Variants in KDM4C observed in about 807,000 individuals in gnomAD.
KDM4C encodes lysine demethylase 4C, also known as lysine-specific demethylase 4C.
Under a neutral mutation model 129.3 loss-of-function variants are expected in KDM4C, and 81 were observed. The observed-to-expected ratio is 0.63, with a 90% CI of 0.52 to 0.75. The LOEUF is 0.75. Among genes scored for constraint, KDM4C ranks in the 30% least tolerant of loss-of-function variants. The probability of loss-of-function intolerance (pLI) is 0.00; values close to 1 mark genes in which losing one functional copy is unlikely to be tolerated. For synonymous variants in KDM4C, 573 were observed against 456.1 expected, an observed-to-expected ratio of 1.26 and a Z score of -3.26; for missense variants, 1,457 against 1,304.0, an observed-to-expected ratio of 1.12 and a Z score of -1.81.
At chr9:7,159,311 G>T (rs1427159851) in intron 19 of KDM4C, among the ~76,000 whole-genome samples, 3 of 152,052 alleles carry the variant, frequency 2.0e-5, no homozygotes, top group Admixed American at 6.5e-5. Flanking sequence ...TCTTTCAATT[G>T]GGGCATTTAG....
chr9:6,767,574 A>T (rs1345024959), intron 1 of KDM4C, among the ~76,000 whole-genome samples: 2 of 152,136 alleles, frequency 1.3e-5, no homozygotes, highest in Non-Finnish European at 2.9e-5. Flanking sequence ...AGCTGGGACT[A>T]CAGGCACCTG....
At chr9:6,721,959 C>G (rs554996561) in intron 1 of KDM4C, among the ~76,000 whole-genome samples, 1 of 152,112 alleles carries the variant, frequency 6.6e-6, no homozygotes, top group Admixed American at 6.6e-5. Flanking sequence ...TGGGTGCAAG[C>G]AATCCTCTTG....
intron 1 of KDM4C, among the ~76,000 whole-genome samples, chr9:6,734,288 GTTT>G (rs57329090): frequency 3.6e-5 from 4 of 110,292 alleles, no homozygotes; most frequent in East Asian, 5.1e-4. Context: ...CCCATGTTTG[GTTT>G]TTTTTTTTTT....
At chr9:7,077,058 T>C in intron 17 of KDM4C, 1 of 985,478 alleles carries the variant, frequency 1.0e-6, no homozygotes, top group Non-Finnish European at 1.2e-6. Flanking sequence ...GTATTTTGAG[T>C]TTAGGTGAAA....
intron 1 of KDM4C, among the ~76,000 whole-genome samples, chr9:6,752,640 C>G (rs918949101): frequency 6.7e-4 from 102 of 151,860 alleles, no homozygotes; most frequent in African/African-American, 2.3e-3. Flanking sequence ...AAACTCCTGA[C>G]CTCAGGAGAT....
chr9:7,068,686 C>CTCT (rs1832772513), intron 17 of KDM4C, among the ~76,000 whole-genome samples: 1 of 101,766 alleles, frequency 9.8e-6, no homozygotes, highest in Non-Finnish European at 1.9e-5. Context: ...GATGCCCTTT[C>CTCT]TTTTTTTTTT....
intron 1 of KDM4C, among the ~76,000 whole-genome samples, chr9:6,763,072 G>A (rs12001316): frequency 0.15 from 22,460 of 151,896 alleles, 1,962 homozygotes; most frequent in East Asian, 0.39. Context: ...GCGTGGTTAC[G>A]ATCTTCTAAA....
chr9:6,839,620 CAT>C (rs1262948652), intron 4 of KDM4C, among the ~76,000 whole-genome samples: 2 of 152,008 alleles, frequency 1.3e-5, no homozygotes, highest in East Asian at 1.9e-4. Context: ...AAAATTAAGA[CAT>C]GTGGCTGGGC....
chr9:7,155,918 C>G (rs187058100), intron 19 of KDM4C, among the ~76,000 whole-genome samples: 162 of 152,276 alleles, frequency 1.1e-3, no homozygotes, highest in Middle Eastern at 3.4e-3. Context: ...GTTCTAGATC[C>G]GTGAGCAATC....
intron 13 of KDM4C, among the ~76,000 whole-genome samples, chr9:7,012,475 G>GT (rs1019368197): frequency 3.8e-4 from 57 of 151,144 alleles, no homozygotes; most frequent in Non-Finnish European, 5.2e-4. Flanking sequence ...CTTAATCTCT[G>GT]TTTTTTTTTG....
At chr9:6,884,002 C>G (rs927294165) in intron 6 of KDM4C, among the ~76,000 whole-genome samples, 1 of 152,154 alleles carries the variant, frequency 6.6e-6, no homozygotes, top group African/African-American at 2.4e-5. Flanking sequence ...TGCTAATTAT[C>G]TTGAAATGGA....
intron 1 of KDM4C, among the ~76,000 whole-genome samples, chr9:6,760,209 C>G (rs1435438069): frequency 1.3e-5 from 2 of 151,730 alleles, no homozygotes; most frequent in Non-Finnish European, 1.5e-5. Context: ...AATACACTAT[C>G]TGGTCTTCTG....
chr9:6,867,841 C>T (rs1224532401), intron 5 of KDM4C, among the ~76,000 whole-genome samples: 7 of 152,136 alleles, frequency 4.6e-5, no homozygotes. Context: ...CTGCACTTCC[C>T]CACTGTCTTT....
chr9:7,026,160 G>A (rs925641651), intron 15 of KDM4C, among the ~76,000 whole-genome samples: 37 of 151,134 alleles, frequency 2.4e-4, no homozygotes, highest in African/African-American at 8.8e-4. Flanking sequence ...AGCCGAGATC[G>A]CACCGCTGTA....
upstream of KDM4C, among the ~76,000 whole-genome samples, chr9:6,756,301 A>G (rs1387486848): frequency 6.6e-6 from 1 of 152,262 alleles, no homozygotes; most frequent in Non-Finnish European, 1.5e-5. Flanking sequence ...TGTTCTAAGT[A>G]AGTGTTAGGT....
intron 1 of KDM4C, among the ~76,000 whole-genome samples, chr9:6,764,171 AT>A (rs1221242176): frequency 1.3e-5 from 2 of 152,232 alleles, no homozygotes; most frequent in Non-Finnish European, 2.9e-5. Flanking sequence ...TTACTCAGAG[AT>A]TTCTAGAGAA....
chr9:7,128,065 G>C lies in KDM4C; in HGVS notation c.2611-1G>C, dbSNP rs747882410. 1 of 1,500,262 alleles carries C rather than the reference G, an allele frequency of 6.7e-7. No individual in the cohort carries two copies. The highest frequency in any genetic ancestry group is 1.4e-5 in the African/African-American group (1 of 69,710). 92.9% of individuals were successfully genotyped at this position (1,500,262 alleles called of 1,614,324 possible). A position where few individuals can be genotyped will look rare whatever the true frequency, so the allele number is the denominator to read the frequency against. The stretch of plus-strand genomic sequence containing the variant: ...TTCCTTTTTTGTGTCCCTTCTTTTA[G>C]AAGTCCAAGGCTTGCGAGAAGGTCA... On this transcript the variant is annotated splice_acceptor_variant, in intron 18 of 21. Transcript: ENST00000381309. LOFTEE classifies it high-confidence loss of function.
At chr9:6,870,346 A>G (rs1842661057) in intron 5 of KDM4C, among the ~76,000 whole-genome samples, 1 of 152,016 alleles carries the variant, frequency 6.6e-6, no homozygotes, top group Non-Finnish European at 1.5e-5. Flanking sequence ...TGTTGGGGAA[A>G]CAGTGTTGGA....
chr9:6,763,293 T>G (rs370918403), intron 1 of KDM4C, among the ~76,000 whole-genome samples: 1 of 152,142 alleles, frequency 6.6e-6, no homozygotes, highest in Non-Finnish European at 1.5e-5. Flanking sequence ...ACTCTGCCCA[T>G]GCTGTTGTTC....
Sources: allele counts gnomAD v4.1 joint callset (sites outside exome capture counted in the v4.1 genomes callset), GRCh38; gene constraint gnomAD v4.1.1; transcripts MANE v1.5; gene names NCBI Gene and HGNC (gene_info 2026-07-23, HGNC 2026-07-21).